SZT2: variants seen among roughly 807,000 people sequenced by gnomAD.
The protein encoded by SZT2 is KICSTOR complex protein SZT2.
A neutral mutation model predicts 404.2 loss-of-function variants in SZT2; 216 were observed. That is an observed-to-expected ratio of 0.53 (90% CI 0.48 to 0.60). The LOEUF (loss-of-function observed/expected upper bound fraction) is 0.60, where lower values mean the gene tolerates loss of function less well. Ranked by LOEUF, SZT2 falls within the 20% of genes least tolerant of loss-of-function variation. The probability of loss-of-function intolerance (pLI) is 0.00; values close to 1 mark genes in which losing one functional copy is unlikely to be tolerated. For synonymous variants in SZT2, 1,693 were observed against 1,749.9 expected, an observed-to-expected ratio of 0.97 and a Z score of 0.81; for missense variants, 3,857 against 4,459.2, an observed-to-expected ratio of 0.86 and a Z score of 3.85.
rs143935839 is a variant in SZT2 at position 43,430,742 on chromosome 1, G to A, written c.4727G>A (p.Arg1576His). 2.2e-4 allele frequency: 359 copies of A among 1,612,696 alleles called. 1 individual carries two copies. In the African/African-American group the frequency reaches 4.1e-3, roughly 18 times the overall value. The stretch of plus-strand genomic sequence containing the variant: ...CACCTCACGTGCTCCGTGCGGCTAC[G>A]TGGGCAGCACAGCTCAGTACCTGTG... ...FLHLTCSVRL[R>H]GQHSSVPVCS... The change falls in exon 32 of 72, where the codon CGT (arginine) becomes CAT (histidine). Residue 1576 changes from arginine to histidine, a missense_variant. Arg to His is a conservative substitution (Grantham distance 29, BLOSUM62 0). Transcript: ENST00000634258.
At chr1:43,403,354 T>A in intron 2 of SZT2, 52 bp downstream of exon 2, 1 of 1,581,386 alleles carries the variant, frequency 6.3e-7, no homozygotes, top group Non-Finnish European at 8.6e-7. Context: ...AAGGATCTGT[T>A]TTTTAGGAGA....
Position 43,439,452 on chromosome 1 carries a change from AG to A in SZT2, c.6877+13del. The A allele has an allele frequency of 6.2e-7, 1 of 1,607,116 alleles. No homozygotes were observed. The highest frequency in any genetic ancestry group is 1.7e-5 in the Admixed American group (1 of 59,414). ...GGCACTGGGGGCAAAGGTACGGTGC[AG>A]GGCACGGGCCTGTGGCACCACCAGG... On this transcript the variant is annotated intron_variant, in intron 49 of 71. Transcript: ENST00000634258. The surrounding 1 kb of genome is among the most constrained non-coding windows in gnomAD (Gnocchi z 4.2).
At chr1:43,446,708 G>T (rs538149709) in intron 65 of SZT2, 6 of 616,902 alleles carry the variant, frequency 9.7e-6, no homozygotes, top group African/African-American at 1.8e-5. Context: ...GATGGAATCT[G>T]GGATAGAGCA....
chr1:43,448,995 A>G lies in SZT2; in HGVS notation c.10086+267A>G. ...GCCAGGCTCTGGAACTGACAACCCA[A>G]GGAGCTGTCAGAACTTTGTCAGTAG... On this transcript the variant is annotated intron_variant, in intron 70 of 71. Transcript: ENST00000634258. The surrounding 1 kb of genome is among the most constrained non-coding windows in gnomAD (Gnocchi z 4.2). 2.3e-6 allele frequency: 1 copy of G among 433,446 alleles called. No individual in the cohort carries two copies. Among genetic ancestry groups the G allele is most frequent in the Non-Finnish European group, 4.2e-6 (1 of 240,222 alleles). 26.9% of individuals were successfully genotyped at this position (433,446 alleles called of 1,614,324 possible).
chr1:43,426,236 G>T lies in SZT2; in HGVS notation c.3043+85G>T. ...TAGAAAATAACAAACAGATGGGTCA[G>T]CAAGTGAGCAGATGAGTGGTGGGGG... On this transcript the variant is annotated intron_variant, in intron 21 of 71. Transcript: ENST00000634258. The surrounding 1 kb of genome is among the most constrained non-coding windows in gnomAD (Gnocchi z 4.9). 1 of 1,518,502 alleles carries T rather than the reference G, an allele frequency of 6.6e-7. No homozygotes were observed. The allele number at this position is 1,518,502 out of a possible 1,614,324, so 94.1% of individuals were successfully genotyped here. A position where few individuals can be genotyped will look rare whatever the true frequency, so the allele number is the denominator to read the frequency against.
chr1:43,452,583 C>A lies in SZT2; in HGVS notation c.*2103C>A. ...ACCTTTCCTTCCCTCGGTCCTTCTC[C>A]GCAACCTGTAACCTGCTAAATTCTC... On this transcript the variant is annotated 3_prime_UTR_variant, in exon 72 of 72. Transcript: ENST00000634258. 1.6e-6 allele frequency: 1 copy of A among 608,096 alleles called. No individual in the cohort carries two copies. Among genetic ancestry groups the A allele is most frequent in the Non-Finnish European group, 3.0e-6 (1 of 338,182 alleles). 37.7% of individuals were successfully genotyped at this position (608,096 alleles called of 1,614,324 possible).
chr1:43,434,145 G>C (rs557514766), intron 40 of SZT2, among the ~76,000 whole-genome samples: 1 of 152,198 alleles, frequency 6.6e-6, no homozygotes, highest in South Asian at 2.1e-4. Context: ...ATGGGAGCTG[G>C]TGAAGCAAGC....
In SZT2 at chr1:43,420,921, G is replaced by A. The variant is rs1652277876; in HGVS notation, c.1434G>A (p.Arg478=). 6.3e-7 allele frequency: 1 copy of A among 1,598,314 alleles called. No homozygotes were observed. The highest frequency in any genetic ancestry group is 1.1e-5 in the South Asian group (1 of 91,090). Residue 478 remains arginine, a synonymous_variant, in exon 10 of 72, where the codon AGG becomes AGA. Transcript: ENST00000634258. This position sits in a 1 kb window ranked among gnomAD's most constrained non-coding sequence, Gnocchi z 5.1. ...TGCATGATGTGTCCTGTGCACTAAGGCAGCCCATTCGTTCATTGTATCGTA... is the reference window on the plus strand; with the variant it reads ...TGCATGATGTGTCCTGTGCACTAAGACAGCCCATTCGTTCATTGTATCGTA... ...DILHDVSCAL[R]QPIRSLYRTH...
intron 33 of SZT2, 64 bp downstream of exon 33, chr1:43,431,154 T>C: frequency 1.3e-6 from 2 of 1,587,198 alleles, no homozygotes; most frequent in Non-Finnish European, 1.7e-6. Flanking sequence ...ACTAAGCGAA[T>C]CTAGAGCACT....
rs150556127 is a variant in SZT2, at chr1:43,450,756, C to A, written c.*276C>A. The A allele has an allele frequency of 4.3e-6, 3 of 694,886 alleles. No homozygotes were observed. The highest frequency in any genetic ancestry group is 1.8e-5 in the Admixed American group (1 of 54,654). The allele number at this position is 694,886 out of a possible 1,614,324, so 43.0% of individuals were successfully genotyped here. On this transcript the variant is annotated 3_prime_UTR_variant, in exon 72 of 72. Coordinates refer to ENST00000634258, the MANE Select transcript of SZT2 (RefSeq NM_001365999.1). This position sits in a 1 kb window ranked among gnomAD's most constrained non-coding sequence, Gnocchi z 4.3. ...TTGGGCCCTTCTGGGGTACTCCTTTCGGCCCCCCTGGTAGAGTCTCGGGAG... is the reference window on the plus strand; with the variant it reads ...TTGGGCCCTTCTGGGGTACTCCTTTAGGCCCCCCTGGTAGAGTCTCGGGAG...
In SZT2 at chr1:43,451,786, C is replaced by A. The variant is rs769920924; in HGVS notation, c.*1306C>A. ...CCTCCTTCCGATCTGCGAAGTACCC[C>A]CTTCCACTTACCATTTGTAATTGGA... On this transcript the variant is annotated 3_prime_UTR_variant, in exon 72 of 72. Transcript: ENST00000634258. 6.2e-7 allele frequency: 1 copy of A among 1,614,120 alleles called. No homozygotes were observed. Among genetic ancestry groups the A allele is most frequent in the Non-Finnish European group, 8.5e-7 (1 of 1,179,984 alleles).
rs1656695557 is a variant in SZT2, at chr1:43,453,573, G to GCCCTCCCAT, written c.*3100_*3101insATCCCTCCC. On this transcript the variant is annotated 3_prime_UTR_variant, in exon 72 of 72. Coordinates refer to ENST00000634258, the MANE Select transcript of SZT2 (RefSeq NM_001365999.1). ...GCCCCGGCACCCCCCAGCCCTCCCA[G>GCCCTCCCAT]CCCTCCCGGCCCGCGACGCACCCGG... 6.7e-7 allele frequency: 1 copy of GCCCTCCCAT among 1,482,962 alleles called. No individual in the cohort carries two copies. Among genetic ancestry groups the GCCCTCCCAT allele is most frequent in the Non-Finnish European group, 9.1e-7 (1 of 1,099,798 alleles). The allele number at this position is 1,482,962 out of a possible 1,614,324, so 91.9% of individuals were successfully genotyped here. A position where few individuals can be genotyped will look rare whatever the true frequency, so the allele number is the denominator to read the frequency against.
Position 43,429,743 on chromosome 1 carries a change from A to G in SZT2, c.4207A>G (p.Thr1403Ala), listed in dbSNP as rs1247759701. Residue 1403 changes from threonine to alanine, a missense_variant, in exon 29 of 72, where the codon ACC (threonine) becomes GCC (alanine). Thr to Ala is a moderately conservative substitution (Grantham distance 58). Around this residue, in one of 7 missense-constraint regions of SZT2, gnomAD observed 1,725 missense variants for 1,881.0 expected, o/e 0.92. Transcript: ENST00000634258. ...EDLSEPEFQSTRVPGIPDPGP... is the reference protein window; with the variant it reads ...EDLSEPEFQSARVPGIPDPGP... The stretch of plus-strand genomic sequence containing the variant: ...CCTAAGCGAGCCTGAGTTTCAGAGC[A>G]CCCGTGTCCCTGGCATTCCAGACCC... The G allele has an allele frequency of 6.2e-7, 1 of 1,614,040 alleles. No individual in the cohort carries two copies. The highest frequency in any genetic ancestry group is 2.2e-5 in the East Asian group (1 of 44,876).
chr1:43,442,829 C>A lies in SZT2; in HGVS notation c.8162C>A (p.Pro2721Gln). The A allele has an allele frequency of 6.2e-7, 1 of 1,603,652 alleles. No individual in the cohort carries two copies. Among genetic ancestry groups the A allele is most frequent in the South Asian group, 1.1e-5 (1 of 89,174 alleles). Residue 2721 changes from proline (P) to glutamine (Q), a missense_variant, in exon 59 of 72, where the codon CCA becomes CAA. This residue lies in a region of SZT2 where 573 missense variants were observed against 592.4 expected (regional missense o/e 0.97). Coordinates refer to ENST00000634258, the MANE Select transcript of SZT2 (RefSeq NM_001365999.1). This position sits in a 1 kb window ranked among gnomAD's most constrained non-coding sequence, Gnocchi z 4.5. ...FPVRDEKEPN[P>Q]FLLPTMEVET... ...TGCTCCATCTCTCAGGAGCCAAACC[C>A]ATTCCTGCTGCCGACCATGGAAGTG...
Position 43,426,324 on chromosome 1 carries a change from G to T in SZT2, c.3044-44G>T. 2 of 1,511,928 alleles carry T rather than the reference G, an allele frequency of 1.3e-6. No homozygotes were observed. The highest frequency in any genetic ancestry group is 8.9e-7 in the Non-Finnish European group (1 of 1,129,744). 93.7% of individuals were successfully genotyped at this position (1,511,928 alleles called of 1,614,324 possible). A position where few individuals can be genotyped will look rare whatever the true frequency, so the allele number is the denominator to read the frequency against. ...GTCAGGGCTGAGCCGGGGGCACCGG[G>T]CAGCAGGAGGCTCTTGGTGCTGAGC... On this transcript the variant is annotated intron_variant, in intron 21 of 71. Coordinates refer to ENST00000634258, the MANE Select transcript of SZT2 (RefSeq NM_001365999.1). This position sits in a 1 kb window ranked among gnomAD's most constrained non-coding sequence, Gnocchi z 4.9.
rs750855551 is a variant in SZT2 at position 43,420,936 on chromosome 1, A to G, written c.1449A>G (p.Ser483=). 3.1e-6 allele frequency: 5 copies of G among 1,598,442 alleles called. No individual in the cohort carries two copies. The highest frequency in any genetic ancestry group is 1.7e-5 in the Admixed American group (1 of 60,028). ...VSCALRQPIR[S]LYRTHVIRRF... is the part of the protein sequence containing the mutation. ...GTGCACTAAGGCAGCCCATTCGTTC[A>G]TTGTATCGTACCCATGTTATCCGGC... The change falls in exon 10 of 72, where the codon TCA becomes TCG. Residue 483 remains serine, a synonymous_variant. Transcript: ENST00000634258. The surrounding 1 kb of genome is among the most constrained non-coding windows in gnomAD (Gnocchi z 5.1).
Position 43,420,691 on chromosome 1 carries a change from G to A in SZT2, c.1262-58G>A, listed in dbSNP as rs980125626. ...TAGGTGGGGGTTTCAGATAGAACTC[G>A]ATCCCAGGCCTAGAGTCCTATGCCT... On this transcript the variant is annotated intron_variant, in intron 9 of 71. Coordinates refer to ENST00000634258, the MANE Select transcript of SZT2 (RefSeq NM_001365999.1). This position sits in a 1 kb window ranked among gnomAD's most constrained non-coding sequence, Gnocchi z 5.1. 12 of 1,516,342 alleles carry A rather than the reference G, an allele frequency of 7.9e-6. No individual in the cohort carries two copies. Among genetic ancestry groups the A allele is most frequent in the South Asian group, 3.4e-5 (3 of 87,792 alleles). 93.9% of individuals were successfully genotyped at this position (1,516,342 alleles called of 1,614,324 possible).
At chr1:43,417,788 G>C (rs898557188) in intron 7 of SZT2, among the ~76,000 whole-genome samples, 1 of 152,182 alleles carries the variant, frequency 6.6e-6, no homozygotes, top group African/African-American at 2.4e-5. Flanking sequence ...AGAGATTTAA[G>C]ATTTATCAGG....
chr1:43,407,219 C>G (rs1383122611), intron 4 of SZT2, among the ~76,000 whole-genome samples: 2 of 152,102 alleles, frequency 1.3e-5, no homozygotes, highest in East Asian at 3.9e-4. Flanking sequence ...CAAGATGTAT[C>G]CTGGCTGGGC....
Sources: gnomAD v4.1 joint callset for allele counts (sites outside exome capture counted in the v4.1 genomes callset) on GRCh38, gnomAD v4.1.1 for gene constraint, gnomAD v4.1.1 regional missense constraint, Gnocchi (gnomAD v3.1) non-coding constraint, MANE v1.5 for transcripts, NCBI Gene and HGNC (gene_info 2026-07-23, HGNC 2026-07-21) for gene names.